Variants in WDR59 observed in about 807,000 individuals in gnomAD.
WDR59 encodes the protein WD repeat domain 59.
In WDR59, 100 loss-of-function variants were observed where a neutral mutation model predicts 131.2. The ratio of observed to expected loss-of-function variants is 0.76; its 90% CI spans 0.65 to 0.90. WDR59 has a LOEUF of 0.90. WDR59 is among the 40% of genes least tolerant of loss of function. The probability of loss-of-function intolerance (pLI) is 0.00; values close to 1 mark genes in which losing one functional copy is unlikely to be tolerated. For missense variants in WDR59, 1,203 were observed against 1,262.2 expected (o/e 0.95, Z 0.71); for synonymous variants, 601 against 466.2 (o/e 1.29, Z -3.72).
intron 8 of WDR59, among the ~76,000 whole-genome samples, chr16:74,931,317 A>T (rs1457898604): frequency 1.3e-5 from 2 of 152,194 alleles, no homozygotes; most frequent in Non-Finnish European, 2.9e-5. Flanking sequence ...GCTTTTAAAA[A>T]AATGTTTGCT....
Position 74,912,420 on chromosome 16 carries a change from C to A in WDR59, c.1225-58G>T, listed in dbSNP as rs1275248715. On this transcript the variant is annotated intron_variant, in intron 13 of 25. Coordinates refer to ENST00000262144, the MANE Select transcript of WDR59 (RefSeq NM_030581.4). ...ACAAACCATAAAGCGTCTTTCGATG[C>A]AAGCACATTTAACTGAACGCTCCAT... is the stretch of plus-strand genomic sequence containing the variant. 1.8e-5 allele frequency: 28 copies of A among 1,563,932 alleles called. No individual in the cohort carries two copies. The East Asian group carries it at 5.7e-4, about 32-fold the overall frequency.
intron 6 of WDR59, 37 bp from the exon 7 acceptor site, chr16:74,942,863 TG>T (rs1464800355): frequency 6.3e-7 from 1 of 1,595,114 alleles, no homozygotes; most frequent in African/African-American, 1.3e-5. Context: ...CTGCTGCCCT[TG>T]GTGCTTTCGG....
At chr16:74,950,057 C>G (rs1448648712) in intron 4 of WDR59, 1 of 496,484 alleles carries the variant, frequency 2.0e-6, no homozygotes, top group Admixed American at 2.3e-5. Flanking sequence ...CATTCTCTCT[C>G]TGGGCTGAGC....
At chr16:74,912,167 G>A (rs1260770108) in intron 14 of WDR59, 31 bp downstream of exon 14, 5 of 1,613,898 alleles carry the variant, frequency 3.1e-6, no homozygotes, top group Non-Finnish European at 4.2e-6. Context: ...ATGCAGAACA[G>A]CAAGGAGAAT....
chr16:74,943,977 A>G (rs1458150415), intron 6 of WDR59, among the ~76,000 whole-genome samples: 1 of 152,188 alleles, frequency 6.6e-6, no homozygotes, highest in Non-Finnish European at 1.5e-5. Context: ...AAGGAAGAGT[A>G]TTAGGAGGTG....
At chr16:74,922,744 C>A (rs1423735051) in intron 9 of WDR59, among the ~76,000 whole-genome samples, 2 of 152,218 alleles carry the variant, frequency 1.3e-5, no homozygotes, top group East Asian at 3.8e-4. Flanking sequence ...CACCGCCCCT[C>A]CTGGTAGCAC....
At chr16:74,892,672 C>A in intron 19 of WDR59, 107 bp from the exon 20 acceptor site, 1 of 956,456 alleles carries the variant, frequency 1.0e-6, no homozygotes, top group South Asian at 1.6e-5. Context: ...GGTTATCACT[C>A]AAAATGTTTT....
intron 7 of WDR59, 107 bp from the exon 8 acceptor site, chr16:74,938,373 A>C: frequency 1.4e-6 from 1 of 693,908 alleles, no homozygotes; most frequent in Non-Finnish European, 2.3e-6. Flanking sequence ...ATACTACCAG[A>C]TACTGTCTCT....
chr16:74,964,367 G>A (rs1462871860), intron 2 of WDR59, among the ~76,000 whole-genome samples: 16 of 119,288 alleles, frequency 1.3e-4, no homozygotes, highest in African/African-American at 5.5e-4. Flanking sequence ...CAACAAGAGC[G>A]AAACATCATC....
chr16:74,954,907 T>G (rs1240462248), intron 3 of WDR59, among the ~76,000 whole-genome samples: 1 of 152,180 alleles, frequency 6.6e-6, no homozygotes, highest in Non-Finnish European at 1.5e-5. Flanking sequence ...AGATCCAGAA[T>G]AGATCAATCC....
intron 7 of WDR59, among the ~76,000 whole-genome samples, chr16:74,938,853 G>T (rs913065734): frequency 6.6e-5 from 10 of 151,200 alleles, no homozygotes; most frequent in African/African-American, 1.7e-4. Flanking sequence ...CTTTAACAGT[G>T]CAGTCTGACA....
rs573083611 is a variant in WDR59, at chr16:74,916,857, T to G, written c.967-598A>C. On this transcript the variant is annotated intron_variant, in intron 11 of 25. Coordinates refer to ENST00000262144, the MANE Select transcript of WDR59 (RefSeq NM_030581.4). ...CTGGGCAACAGAGAGAGACTCCATC[T>G]CAAAAAAAAAAAAACGAAAACCATA... Among the ~76,000 whole-genome samples the G allele has an allele frequency of 9.2e-4, 56 of 60,932 alleles. No individual in the cohort carries two copies. In the East Asian group the frequency reaches 0.039, roughly 42 times the overall value. The allele number at this position is 60,932 out of a possible 152,430, so 40.0% of individuals were successfully genotyped here. A position where few individuals can be genotyped will look rare whatever the true frequency, so the allele number is the denominator to read the frequency against.
intron 8 of WDR59, among the ~76,000 whole-genome samples, chr16:74,927,605 A>G (rs2030953316): frequency 6.6e-6 from 1 of 151,062 alleles, no homozygotes; most frequent in South Asian, 2.1e-4. Context: ...AAAAAAAAAA[A>G]AAGAATTTCC....
intron 1 of WDR59, among the ~76,000 whole-genome samples, chr16:74,972,919 A>C (rs980151186): frequency 4.7e-5 from 7 of 150,424 alleles, no homozygotes; most frequent in Middle Eastern, 3.4e-3. Flanking sequence ...ATTTCAGAGG[A>C]CAAGATCCAA....
At chr16:74,984,205 A>T (rs1435579557) in intron 1 of WDR59, among the ~76,000 whole-genome samples, 1 of 152,088 alleles carries the variant, frequency 6.6e-6, no homozygotes, top group Non-Finnish European at 1.5e-5. Flanking sequence ...TGAATCCCGG[A>T]GGCGGAGGTT....
intron 18 of WDR59, 114 bp downstream of exon 18, chr16:74,903,833 G>T: frequency 1.5e-6 from 2 of 1,300,384 alleles, no homozygotes; most frequent in Non-Finnish European, 2.1e-6. Flanking sequence ...AACTGATTAC[G>T]AAAGTGAAAG....
rs2032053416 is a variant in WDR59, at chr16:74,939,435, C to G, written c.535-1169G>C. 1.3e-5 allele frequency among the ~76,000 whole-genome samples: 2 copies of G among 151,724 alleles called. 1 individual carries two copies. The highest frequency in any genetic ancestry group is 4.2e-4 in the South Asian group (2 of 4,802). On this transcript the variant is annotated intron_variant, in intron 7 of 25. Coordinates refer to ENST00000262144, the MANE Select transcript of WDR59 (RefSeq NM_030581.4). ...CAAATGATGATACAATATGATGTAG[C>G]CACTGAAAATTATACTTAGAGCTTA...
At chr16:74,949,368 G>C (rs189031038) in intron 5 of WDR59, among the ~76,000 whole-genome samples, 1 of 136,538 alleles carries the variant, frequency 7.3e-6, no homozygotes, top group Non-Finnish European at 1.6e-5. Context: ...AGGAAAGAAA[G>C]AGAGGAAGGA....
chr16:74,889,310 G>T (rs1055854364), intron 21 of WDR59, among the ~76,000 whole-genome samples: 11 of 152,038 alleles, frequency 7.2e-5, no homozygotes, highest in Non-Finnish European at 2.9e-5. Context: ...AAGCGTCGTG[G>T]TCTTTGGCAA....
Sources: gnomAD v4.1 joint callset for allele counts (sites outside exome capture counted in the v4.1 genomes callset) on GRCh38, gnomAD v4.1.1 for gene constraint, MANE v1.5 for transcripts, NCBI Gene and HGNC (gene_info 2026-07-23, HGNC 2026-07-21) for gene names.